BRSK2: variants seen among roughly 807,000 people sequenced by gnomAD.
BRSK2 encodes the protein BR serine/threonine kinase 2.
In BRSK2, 19 loss-of-function variants were observed where a neutral mutation model predicts 83.3. That is an observed-to-expected ratio of 0.23 (90% confidence interval 0.16 to 0.33). The LOEUF is 0.33. Ranked by LOEUF, BRSK2 falls within the 10% of genes least tolerant of loss-of-function variation. The pLI, the probability that BRSK2 is intolerant of heterozygous loss-of-function variation, is 1.00. For missense variants in BRSK2, 798 were observed against 1,042.3 expected, an observed-to-expected ratio of 0.77 and a Z score of 3.23; for synonymous variants, 519 against 435.4, an observed-to-expected ratio of 1.19 and a Z score of -2.39.
rs1439606367 is a variant in BRSK2, at chr11:1,450,682, C to T, written c.1383C>T (p.Asn461=). Residue 461 remains asparagine, a synonymous_variant, in exon 14 of 20, where the codon AAC becomes AAT. Coordinates refer to ENST00000528841, the MANE Select transcript of BRSK2 (RefSeq NM_001256627.2). ...TPKESPAGTP[N]PTPPSSPSVG... is the part of the protein sequence containing the mutation. ...AGGAGAGCCCGGCTGGCACGCCCAA[C>T]CCCACGCCCCCGTCCAGCCCCAGCG... is the stretch of plus-strand genomic sequence containing the variant. The T allele has an allele frequency of 9.3e-6, 15 of 1,608,972 alleles. No individual in the cohort carries two copies. Among genetic ancestry groups the T allele is most frequent in the Non-Finnish European group, 1.2e-5 (14 of 1,178,606 alleles).
intron 1 of BRSK2, among the ~76,000 whole-genome samples, chr11:1,404,322 C>T (rs534140432): frequency 3.5e-4 from 53 of 152,328 alleles, no homozygotes; most frequent in Non-Finnish European, 6.2e-4. Flanking sequence ...CTTTTCCTGA[C>T]CCTGCTCTCC....
chr11:1,436,832 G>C lies in BRSK2; in HGVS notation c.186+698G>C, dbSNP rs534452134. ...TTCGCTCCTTGGCATGCAGGGCTGC[G>C]GGTGGGGCAGGACCCGGGGACGAGG... On this transcript the variant is annotated intron_variant, in intron 2 of 19. Coordinates refer to ENST00000528841, the MANE Select transcript of BRSK2 (RefSeq NM_001256627.2). Among the ~76,000 whole-genome samples the C allele has an allele frequency of 2.0e-4, 31 of 152,162 alleles. 2 individuals are homozygous for C. The South Asian group carries it at 6.0e-3, about 29-fold the overall frequency.
At chr11:1,456,982 G>A (rs1421483355) in intron 18 of BRSK2, 2 of 1,597,250 alleles carry the variant, frequency 1.3e-6, no homozygotes, top group African/African-American at 2.7e-5. Context: ...CCAGGACTAA[G>A]CTGGGGTGCT....
At chr11:1,439,409 A>C (rs11027629) in intron 3 of BRSK2, among the ~76,000 whole-genome samples, 124,464 of 151,886 alleles carry the variant, frequency 0.82, 51,939 homozygotes, top group African/African-American at 0.96. Context: ...TCACCAGAGG[A>C]CTGGGGGGGC....
chr11:1,458,907 CCAGGCT>C (rs888669849), intron 18 of BRSK2, among the ~76,000 whole-genome samples: 4 of 152,186 alleles, frequency 2.6e-5, no homozygotes, highest in South Asian at 2.1e-4. Context: ...CCGGCCATAT[CCAGGCT>C]CAGGCTCAGG....
intron 19 of BRSK2, 135 bp from the exon 20 acceptor site, chr11:1,460,365 T>G (rs1364040087): frequency 4.9e-6 from 5 of 1,022,314 alleles, no homozygotes; most frequent in East Asian, 3.0e-5. Context: ...CTGGGTTCTT[T>G]CCCTCGTCGA....
intron 1 of BRSK2, among the ~76,000 whole-genome samples, chr11:1,408,543 C>T (rs1237882724): frequency 1.3e-5 from 2 of 152,188 alleles, no homozygotes; most frequent in Non-Finnish European, 2.9e-5. Context: ...TATGGCCACT[C>T]CTTGTCAGGT....
At chr11:1,415,233 T>C (rs1463777346) in intron 1 of BRSK2, among the ~76,000 whole-genome samples, 1 of 151,928 alleles carries the variant, frequency 6.6e-6, no homozygotes, top group Non-Finnish European at 1.5e-5. Flanking sequence ...TAGCTGGGAC[T>C]ACAGGCGCTC....
intron 1 of BRSK2, among the ~76,000 whole-genome samples, chr11:1,413,872 G>A (rs952886816): frequency 1.2e-4 from 18 of 152,134 alleles, no homozygotes; most frequent in Non-Finnish European, 1.8e-4. Context: ...TGGGTAAGGG[G>A]CTGCTGCTGC....
intron 12 of BRSK2, 126 bp downstream of exon 12, chr11:1,446,033 C>A: frequency 3.5e-6 from 4 of 1,147,540 alleles, no homozygotes; most frequent in Non-Finnish European, 3.4e-6. Flanking sequence ...GCTGTATGGG[C>A]TAAACTGGGC....
At chr11:1,459,466 A>C (rs1410116434) in intron 19 of BRSK2, 3 of 577,006 alleles carry the variant, frequency 5.2e-6, no homozygotes, top group Non-Finnish European at 9.4e-6. Flanking sequence ...CACCTCTGCC[A>C]GGCCCTAGGA....
At position 1,461,371 on chromosome 11, in the gene BRSK2, C is replaced by T; in HGVS notation, c.*648C>T. Reference sequence around the variant, plus strand: ...CCTGGCTGCGCCGCCTCCGTGTAGTCTTGGCCTCCTCAGGCTGCCTCCCGT... The same window carrying T: ...CCTGGCTGCGCCGCCTCCGTGTAGTTTTGGCCTCCTCAGGCTGCCTCCCGT... On this transcript the variant is annotated 3_prime_UTR_variant, in exon 20 of 20. Coordinates refer to ENST00000528841, the MANE Select transcript of BRSK2 (RefSeq NM_001256627.2). 3.2e-6 allele frequency: 1 copy of T among 309,046 alleles called. No individual in the cohort carries two copies. The highest frequency in any genetic ancestry group is 6.0e-6 in the Non-Finnish European group (1 of 166,390). 19.1% of individuals were successfully genotyped at this position (309,046 alleles called of 1,614,324 possible).
intron 1 of BRSK2, among the ~76,000 whole-genome samples, chr11:1,413,658 G>GC (rs1204798268): frequency 6.6e-6 from 1 of 152,192 alleles, no homozygotes; most frequent in Non-Finnish European, 1.5e-5. Context: ...TCCCTGCACT[G>GC]CCCACCACCC....
At chr11:1,407,118 C>T (rs186276168) in intron 1 of BRSK2, among the ~76,000 whole-genome samples, 20 of 152,238 alleles carry the variant, frequency 1.3e-4, no homozygotes, top group African/African-American at 4.8e-4. Flanking sequence ...GAGGGTGGGG[C>T]CTGGCAGGTG....
chr11:1,393,590 C>T (rs1845865336), intron 1 of BRSK2, among the ~76,000 whole-genome samples: 1 of 152,212 alleles, frequency 6.6e-6, no homozygotes, highest in African/African-American at 2.4e-5. Flanking sequence ...TGCCAGGGAC[C>T]TGGGGCCGCC....
rs398015179 is a variant in BRSK2 at position 1,460,461 on chromosome 11, CTTT to C, written c.1988-24_1988-22del. Reference sequence around the variant, plus strand: ...CTCTCCCCCTTTTTTTTCTTTTTTCCTTTTTTTTTTTTTTTTTGTCTCTGTTCT... The same window carrying C: ...CTCTCCCCCTTTTTTTTCTTTTTTCCTTTTTTTTTTTTTTGTCTCTGTTCT... On this transcript the variant is annotated intron_variant, in intron 19 of 19. Coordinates refer to ENST00000528841, the MANE Select transcript of BRSK2 (RefSeq NM_001256627.2). 5,267 of 539,436 alleles carry C rather than the reference CTTT, an allele frequency of 9.8e-3. 2 individuals carry two copies. The highest frequency in any genetic ancestry group is 0.016 in the East Asian group (210 of 13,020). 33.4% of individuals were successfully genotyped at this position (539,436 alleles called of 1,614,324 possible). A position where few individuals can be genotyped will look rare whatever the true frequency, so the allele number is the denominator to read the frequency against.
At chr11:1,457,503 C>G (rs1478458532) in intron 18 of BRSK2, among the ~76,000 whole-genome samples, 2 of 152,206 alleles carry the variant, frequency 1.3e-5, no homozygotes, top group Admixed American at 6.5e-5. Flanking sequence ...CCCCACTCCC[C>G]TGGGCCCATG....
At position 1,424,939 on chromosome 11, in the gene BRSK2, G is replaced by A. The variant is rs78770924; in HGVS notation, c.92-11101G>A. ...TGCTGGCGGGAGGGGTGTTCTCCCC[G>A]CCTCCATGGGCAAAGAATCTGGGGC... On this transcript the variant is annotated intron_variant, in intron 1 of 19. Transcript: ENST00000528841. 9.1e-3 allele frequency among the ~76,000 whole-genome samples: 1,386 copies of A among 152,284 alleles called. 14 individuals are homozygous for A. Among genetic ancestry groups the A allele is most frequent in the African/African-American group, 0.023 (941 of 41,564 alleles).
chr11:1,452,312 C>A (rs556702814), intron 15 of BRSK2, among the ~76,000 whole-genome samples: 1 of 152,232 alleles, frequency 6.6e-6, no homozygotes, highest in East Asian at 1.9e-4. Flanking sequence ...TCAGGTGGCC[C>A]TTCCAGCTGG....
Sources: gnomAD v4.1 joint callset for allele counts (sites outside exome capture counted in the v4.1 genomes callset) on GRCh38, gnomAD v4.1.1 for gene constraint, MANE v1.5 for transcripts, NCBI Gene and HGNC (gene_info 2026-07-23, HGNC 2026-07-21) for gene names.